IGF2BP3: variants seen among roughly 807,000 people sequenced by gnomAD.
IGF2BP3 encodes insulin-like growth factor 2 mRNA-binding protein 3.
In IGF2BP3, 9 loss-of-function variants were observed where a neutral mutation model predicts 73.8. That is an observed-to-expected ratio of 0.12 (90% CI 0.07 to 0.21). The LOEUF is 0.21. Ranked by LOEUF, IGF2BP3 falls within the 10% of genes least tolerant of loss-of-function variation. The pLI, the probability that IGF2BP3 is intolerant of heterozygous loss-of-function variation, is 1.00. For synonymous variants in IGF2BP3, 258 were observed against 256.7 expected (o/e 1.01, Z -0.05); for missense variants, 542 against 714.0 (o/e 0.76, Z 2.75).
At chr7:23,327,785 C>T (rs923019602) in intron 10 of IGF2BP3, among the ~76,000 whole-genome samples, 1 of 152,128 alleles carries the variant, frequency 6.6e-6, no homozygotes, top group Non-Finnish European at 1.5e-5. Context: ...CATCACTCTT[C>T]CCACATGGAG....
intron 3 of IGF2BP3, among the ~76,000 whole-genome samples, chr7:23,409,920 GCA>G (rs1786964639): frequency 6.6e-6 from 1 of 152,294 alleles, no homozygotes; most frequent in African/African-American, 2.4e-5. Context: ...TCTAATCCCA[GCA>G]CTTTGGGAGG....
chr7:23,316,570 G>A lies in IGF2BP3; in HGVS notation c.1395+1069C>T, dbSNP rs1783993838. Reference sequence around the variant, plus strand: ...CATGCCTGTAATCCCAGCTACTCGGGAGGCGGAGGCAGGAGAATCGCTTGA... The same window carrying A: ...CATGCCTGTAATCCCAGCTACTCGGAAGGCGGAGGCAGGAGAATCGCTTGA... On this transcript the variant is annotated intron_variant, in intron 12 of 14. Coordinates refer to ENST00000258729, the MANE Select transcript of IGF2BP3 (RefSeq NM_006547.3). Among the ~76,000 whole-genome samples the A allele has an allele frequency of 5.3e-5, 8 of 151,752 alleles. No individual in the cohort carries two copies. In the South Asian group the frequency reaches 1.5e-3, roughly 28 times the overall value.
At position 23,431,369 on chromosome 7, in the gene IGF2BP3, T is replaced by A. The variant is rs962960385; in HGVS notation, c.237-12545A>T. Reference sequence around the variant, plus strand: ...CTAGTTCTGTGACATCAGTTCTCCATCCCCCTATAAAATTCCTATAGATTT... The same window carrying A: ...CTAGTTCTGTGACATCAGTTCTCCAACCCCCTATAAAATTCCTATAGATTT... On this transcript the variant is annotated intron_variant, in intron 2 of 14. Transcript: ENST00000258729. 30 of 152,148 alleles carry A rather than the reference T, an allele frequency of 2.0e-4. 1 individual carries two copies. Among genetic ancestry groups the A allele is most frequent in the African/African-American group, 2.4e-5 (1 of 41,442 alleles). 9.4% of individuals were successfully genotyped at this position (152,148 alleles called of 1,614,324 possible).
Position 23,469,611 on chromosome 7 carries a change from C to T in IGF2BP3, c.175+325G>A, listed in dbSNP as rs1788659066. On this transcript the variant is annotated intron_variant, in intron 1 of 14. Coordinates refer to ENST00000258729, the MANE Select transcript of IGF2BP3 (RefSeq NM_006547.3). The surrounding 1 kb of genome is among the most constrained non-coding windows in gnomAD (Gnocchi z 6.1). ...CCCCCGAGGCCCAGCGTGCCGGGGC[C>T]TGGAGCACGCGCCTGGGCCCGGGCG... The T allele has an allele frequency of 6.2e-6, 1 of 161,664 alleles. No homozygotes were observed. The highest frequency in any genetic ancestry group is 2.0e-4 in the South Asian group (1 of 4,924). 10.0% of individuals were successfully genotyped at this position (161,664 alleles called of 1,614,324 possible).
intron 5 of IGF2BP3, among the ~76,000 whole-genome samples, chr7:23,359,781 C>T (rs1003604577): frequency 1.3e-5 from 2 of 152,132 alleles, no homozygotes; most frequent in African/African-American, 4.8e-5. Context: ...TCCCTGCCCT[C>T]ACTTTTATCC....
In IGF2BP3 at chr7:23,428,435, G is replaced by A. The variant is rs1584033353; in HGVS notation, c.237-9611C>T. 2.0e-5 allele frequency among the ~76,000 whole-genome samples: 3 copies of A among 151,724 alleles called. No individual in the cohort carries two copies. The East Asian group carries it at 5.8e-4, about 29-fold the overall frequency. On this transcript the variant is annotated intron_variant, in intron 2 of 14. Coordinates refer to ENST00000258729, the MANE Select transcript of IGF2BP3 (RefSeq NM_006547.3). Reference sequence around the variant, plus strand: ...TGTAGTGAGCTGAGATCGCACCACTGCACTCCAGCCTGGGCGACAGAGAGA... The same window carrying A: ...TGTAGTGAGCTGAGATCGCACCACTACACTCCAGCCTGGGCGACAGAGAGA...
chr7:23,323,675 G>A (rs1454879223), intron 10 of IGF2BP3, among the ~76,000 whole-genome samples: 6 of 151,964 alleles, frequency 3.9e-5, no homozygotes, highest in Non-Finnish European at 5.9e-5. Flanking sequence ...TGGAAGTAAA[G>A]CTCTCCTCAG....
At chr7:23,433,187 T>A (rs1008937181) in intron 2 of IGF2BP3, among the ~76,000 whole-genome samples, 1 of 152,148 alleles carries the variant, frequency 6.6e-6, no homozygotes. Context: ...AATTAATTAT[T>A]CCCATACTTT....
intron 3 of IGF2BP3, among the ~76,000 whole-genome samples, chr7:23,392,995 C>T (rs1786333334): frequency 6.6e-6 from 1 of 152,144 alleles, no homozygotes; most frequent in Non-Finnish European, 1.5e-5. Flanking sequence ...GGTGGCCACT[C>T]ATCAATTTCT....
chr7:23,315,456 G>T (rs1037714985), intron 12 of IGF2BP3, among the ~76,000 whole-genome samples: 3 of 152,082 alleles, frequency 2.0e-5, no homozygotes, highest in Non-Finnish European at 2.9e-5. Context: ...CCTACTGCAT[G>T]CAACTATATA....
At chr7:23,342,633 T>C (rs1784740467) in intron 9 of IGF2BP3, among the ~76,000 whole-genome samples, 1 of 152,208 alleles carries the variant, frequency 6.6e-6, no homozygotes, top group South Asian at 2.1e-4. Flanking sequence ...ACCATGGGTC[T>C]AGAGGCCTCA....
At chr7:23,347,465 A>T in intron 7 of IGF2BP3, 135 bp downstream of exon 7, 1 of 838,020 alleles carries the variant, frequency 1.2e-6, no homozygotes, top group Non-Finnish European at 1.9e-6. Context: ...CCAGATCAAC[A>T]GTGCCAACCA....
chr7:23,417,307 A>C (rs1262990718), intron 3 of IGF2BP3, among the ~76,000 whole-genome samples: 1 of 152,244 alleles, frequency 6.6e-6, no homozygotes, highest in Non-Finnish European at 1.5e-5. Context: ...GCTCTTGCTT[A>C]ATTAACTTTA....
At chr7:23,314,178 TG>T in intron 12 of IGF2BP3, among the ~76,000 whole-genome samples, 1 of 149,642 alleles carries the variant, frequency 6.7e-6, no homozygotes, top group African/African-American at 2.5e-5. Flanking sequence ...ACACCACACC[TG>T]ACTTATTTTT....
At chr7:23,355,794 A>G (rs2128506303) in intron 5 of IGF2BP3, among the ~76,000 whole-genome samples, 1 of 152,222 alleles carries the variant, frequency 6.6e-6, no homozygotes, top group Middle Eastern at 3.4e-3. Context: ...TTAGCCAGGC[A>G]TGGTGGCGTG....
chr7:23,374,912 C>T (rs1785670043), intron 3 of IGF2BP3, among the ~76,000 whole-genome samples: 1 of 152,108 alleles, frequency 6.6e-6, no homozygotes, highest in Non-Finnish European at 1.5e-5. Context: ...GAAATCTTCA[C>T]AGTTTATGTT....
intron 2 of IGF2BP3, among the ~76,000 whole-genome samples, chr7:23,459,455 C>T (rs1399284205): frequency 6.6e-6 from 1 of 152,188 alleles, no homozygotes; most frequent in East Asian, 1.9e-4. Context: ...TATTTTAAAC[C>T]TGGCTCATGA....
chr7:23,359,683 CA>C (rs1388504435), intron 5 of IGF2BP3, among the ~76,000 whole-genome samples: 2 of 150,592 alleles, frequency 1.3e-5, no homozygotes, highest in East Asian at 1.9e-4. Flanking sequence ...CCCATGTCTA[CA>C]AAAAAAATAC....
At chr7:23,315,170 C>T (rs949450761) in intron 12 of IGF2BP3, among the ~76,000 whole-genome samples, 2 of 151,022 alleles carry the variant, frequency 1.3e-5, no homozygotes, top group Middle Eastern at 3.4e-3. Flanking sequence ...CTCTGTGGTG[C>T]GATCTCAGCA....
Sources: allele counts gnomAD v4.1 joint callset (sites outside exome capture counted in the v4.1 genomes callset), GRCh38; gene constraint gnomAD v4.1.1; non-coding constraint Gnocchi (gnomAD v3.1); transcripts MANE v1.5; gene names NCBI Gene and HGNC (gene_info 2026-07-23, HGNC 2026-07-21).